The following CXXC5 variants were observed in gnomAD, a reference collection of about 807,000 sequenced individuals.
CXXC5 encodes CXXC-type zinc finger protein 5.
Under a neutral mutation model 17.6 loss-of-function variants are expected in CXXC5, and 2 were observed. The observed-to-expected ratio is 0.11, with a 90% CI of 0.05 to 0.36. CXXC5 has a LOEUF of 0.36. Ranked by LOEUF, CXXC5 falls within the 10% of genes least tolerant of loss-of-function variation. The pLI, the probability that CXXC5 is intolerant of heterozygous loss-of-function variation, is 1.00. For synonymous variants in CXXC5, 171 were observed against 193.0 expected (o/e 0.89, Z 0.94); for missense variants, 343 against 458.3 (o/e 0.75, Z 2.30).
At chr5:139,666,356 A>G (rs1353617440) in intron 1 of CXXC5, among the ~76,000 whole-genome samples, 1 of 151,868 alleles carries the variant, frequency 6.6e-6, no homozygotes, top group South Asian at 2.1e-4. Flanking sequence ...AGCTTCCCCT[A>G]CTACCCCATC....
chr5:139,660,706 G>T (rs936884369), intron 1 of CXXC5, among the ~76,000 whole-genome samples: 5 of 146,762 alleles, frequency 3.4e-5, no homozygotes, highest in African/African-American at 1.2e-4. Flanking sequence ...GGGCCACTGG[G>T]AATTGGTGAA....
intron 1 of CXXC5, among the ~76,000 whole-genome samples, chr5:139,659,815 C>A (rs1052760671): frequency 1.3e-5 from 2 of 152,186 alleles, no homozygotes; most frequent in African/African-American, 2.4e-5. Flanking sequence ...GAGGCTGGTC[C>A]CTCCTGCCCT....
At position 139,680,378 on chromosome 5, in the gene CXXC5, C is replaced by T; in HGVS notation, c.-146C>T. 8.3e-7 allele frequency: 1 copy of T among 1,198,904 alleles called. No homozygotes were observed. Among genetic ancestry groups the T allele is most frequent in the Middle Eastern group, 2.9e-4 (1 of 3,452 alleles). 74.3% of individuals were successfully genotyped at this position (1,198,904 alleles called of 1,614,324 possible). A position where few individuals can be genotyped will look rare whatever the true frequency, so the allele number is the denominator to read the frequency against. On this transcript the variant is annotated 5_prime_UTR_variant, in exon 2 of 3. Transcript: ENST00000302517. Reference sequence around the variant, plus strand: ...TCTTGTGACAGAGTGAAGACATTTCCACCTGGACACCTGACCATGTGCCTG... The same window carrying T: ...TCTTGTGACAGAGTGAAGACATTTCTACCTGGACACCTGACCATGTGCCTG...
intron 1 of CXXC5, among the ~76,000 whole-genome samples, chr5:139,654,530 TTA>T (rs1755385802): frequency 6.6e-6 from 1 of 152,168 alleles, no homozygotes. Context: ...ACACTGGCTT[TTA>T]TAGAGACAAG....
Position 139,677,437 on chromosome 5 carries a change from T to C in CXXC5, c.-160-2927T>C, listed in dbSNP as rs189018929. On this transcript the variant is annotated intron_variant, in intron 1 of 2. Coordinates refer to ENST00000302517, the MANE Select transcript of CXXC5 (RefSeq NM_016463.9). Reference sequence around the variant, plus strand: ...ATGGGGCTTTTGGTCAGGGGTCCACTGGGACCAGGACATCAGTTTTTCCTA... The same window carrying C: ...ATGGGGCTTTTGGTCAGGGGTCCACCGGGACCAGGACATCAGTTTTTCCTA... Among the ~76,000 whole-genome samples the C allele has an allele frequency of 3.6e-3, 554 of 152,258 alleles. 4 individuals are homozygous for C. The highest frequency in any genetic ancestry group is 0.013 in the African/African-American group (520 of 41,542).
At chr5:139,662,088 A>G (rs1581584438) in intron 1 of CXXC5, among the ~76,000 whole-genome samples, 1 of 152,042 alleles carries the variant, frequency 6.6e-6, no homozygotes, top group Middle Eastern at 3.4e-3. Context: ...GGGAGGTGAC[A>G]GGGTGTGCCA....
rs1312079087 is a variant in CXXC5, at chr5:139,668,836, T to C, written c.-160-11528T>C. Among the ~76,000 whole-genome samples the C allele has an allele frequency of 6.6e-6, 1 of 152,166 alleles. No individual in the cohort carries two copies. On this transcript the variant is annotated intron_variant, in intron 1 of 2. Coordinates refer to ENST00000302517, the MANE Select transcript of CXXC5 (RefSeq NM_016463.9). This position sits in a 1 kb window ranked among gnomAD's most constrained non-coding sequence, Gnocchi z 4.1. ...AGCACGGATCCAGTTCCTCTTGGCT[T>C]TGCCACAAACACAGTGACCTTATGT...
intron 1 of CXXC5, among the ~76,000 whole-genome samples, chr5:139,679,377 A>G (rs977126663): frequency 6.6e-6 from 1 of 152,208 alleles, no homozygotes; most frequent in African/African-American, 2.4e-5. Context: ...ATGTCCTCTC[A>G]CTGTGGCAGG....
intron 1 of CXXC5, among the ~76,000 whole-genome samples, chr5:139,652,730 T>G (rs1171440852): frequency 6.6e-6 from 1 of 151,846 alleles, no homozygotes; most frequent in Non-Finnish European, 1.5e-5. Context: ...CATGTGTGTT[T>G]GTGAATCTGA....
intron 1 of CXXC5, 78 bp from the exon 2 acceptor site, chr5:139,680,286 C>G (rs901147430): frequency 1.7e-6 from 1 of 586,142 alleles, no homozygotes; most frequent in Non-Finnish European, 3.0e-6. Context: ...ATGACAGGAC[C>G]GTTGATAGTG....
rs59872113 is a variant in CXXC5, at chr5:139,668,886, G to A, written c.-160-11478G>A. Among the ~76,000 whole-genome samples, 5 of 152,138 alleles carry A rather than the reference G, an allele frequency of 3.3e-5. No homozygotes were observed. Among genetic ancestry groups the A allele is most frequent in the East Asian group, 1.9e-4 (1 of 5,194 alleles). ...TAGAGTCCTTAGCCTCGGTTTCCCCGTTTGTAAACCATCAGCACCAGCCCA... is the reference window on the plus strand; with the variant it reads ...TAGAGTCCTTAGCCTCGGTTTCCCCATTTGTAAACCATCAGCACCAGCCCA... On this transcript the variant is annotated intron_variant, in intron 1 of 2. Coordinates refer to ENST00000302517, the MANE Select transcript of CXXC5 (RefSeq NM_016463.9). This position sits in a 1 kb window ranked among gnomAD's most constrained non-coding sequence, Gnocchi z 4.1.
chr5:139,673,570 G>A (rs1057337157), intron 1 of CXXC5, among the ~76,000 whole-genome samples: 4 of 152,126 alleles, frequency 2.6e-5, no homozygotes, highest in African/African-American at 7.2e-5. Flanking sequence ...GGCTGGGTGC[G>A]GTGGCTCACG....
rs762718050 is a variant in CXXC5 at position 139,661,420 on chromosome 5, G to T, written c.-161+12575G>T. Among the ~76,000 whole-genome samples, 11 of 152,170 alleles carry T rather than the reference G, an allele frequency of 7.2e-5. No individual in the cohort carries two copies. Among genetic ancestry groups the T allele is most frequent in the Non-Finnish European group, 1.2e-4 (8 of 68,016 alleles). On this transcript the variant is annotated intron_variant, in intron 1 of 2. Transcript: ENST00000302517. The surrounding 1 kb of genome is among the most constrained non-coding windows in gnomAD (Gnocchi z 4.7). ...AGTTCCACACGACTCAGCACACCCA[G>T]CCGACACGCGTGGTACAGACTCGGT...
rs1179311628 is a variant in CXXC5, at chr5:139,668,401, G to A, written c.-160-11963G>A. ...CGGACGTGCCTGCGCGGCTCTGGCG[G>A]CCGCGTCTGCCGCCCCGGCGCCCGC... On this transcript the variant is annotated intron_variant, in intron 1 of 2. Transcript: ENST00000302517. This position sits in a 1 kb window ranked among gnomAD's most constrained non-coding sequence, Gnocchi z 4.1. Among the ~76,000 whole-genome samples the A allele has an allele frequency of 6.6e-6, 1 of 151,952 alleles. No homozygotes were observed. Among genetic ancestry groups the A allele is most frequent in the Non-Finnish European group, 1.5e-5 (1 of 67,952 alleles).
intron 1 of CXXC5, among the ~76,000 whole-genome samples, chr5:139,673,851 A>AG (rs1756624406): frequency 1.5e-5 from 2 of 133,844 alleles, no homozygotes; most frequent in African/African-American, 2.9e-5. Context: ...AAAAAAAAAA[A>AG]AAAAGAGAGA....
rs917497556 is a variant in CXXC5 at position 139,661,796 on chromosome 5, G to A, written c.-161+12951G>A. On this transcript the variant is annotated intron_variant, in intron 1 of 2. Transcript: ENST00000302517. This position sits in a 1 kb window ranked among gnomAD's most constrained non-coding sequence, Gnocchi z 4.7. ...CCTTCAGCCATGTTGTGTCCACCGG[G>A]TTCTGCAAGGTGTGGGTGGGGAAGT... Among the ~76,000 whole-genome samples, 1 of 152,276 alleles carries A rather than the reference G, an allele frequency of 6.6e-6. No individual in the cohort carries two copies. Among genetic ancestry groups the A allele is most frequent in the Non-Finnish European group, 1.5e-5 (1 of 68,046 alleles).
rs1239516295 is a variant in CXXC5 at position 139,670,736 on chromosome 5, C to T, written c.-160-9628C>T. Among the ~76,000 whole-genome samples, 1 of 152,216 alleles carries T rather than the reference C, an allele frequency of 6.6e-6. No homozygotes were observed. The highest frequency in any genetic ancestry group is 2.1e-4 in the South Asian group (1 of 4,830). ...GACTTGGGTCGCACACACATGCCTC[C>T]ACTTTACCCTCAGGGAGGTCACAGA... On this transcript the variant is annotated intron_variant, in intron 1 of 2. Coordinates refer to ENST00000302517, the MANE Select transcript of CXXC5 (RefSeq NM_016463.9). The surrounding 1 kb of genome is among the most constrained non-coding windows in gnomAD (Gnocchi z 4.2).
In CXXC5 at chr5:139,683,105, A is replaced by C; in HGVS notation, c.*198A>C. ...TCCACGTCCCTAGCATAAAAAGAAAAAGAAAAAAATTTAAACTGCTTTTTC... is the reference window on the plus strand; with the variant it reads ...TCCACGTCCCTAGCATAAAAAGAAACAGAAAAAAATTTAAACTGCTTTTTC... On this transcript the variant is annotated 3_prime_UTR_variant, in exon 3 of 3. Coordinates refer to ENST00000302517, the MANE Select transcript of CXXC5 (RefSeq NM_016463.9). 6.9e-6 allele frequency: 3 copies of C among 433,856 alleles called. No individual in the cohort carries two copies. The highest frequency in any genetic ancestry group is 1.2e-5 in the Non-Finnish European group (3 of 257,896). The allele number at this position is 433,856 out of a possible 1,614,324, so 26.9% of individuals were successfully genotyped here. A position where few individuals can be genotyped will look rare whatever the true frequency, so the allele number is the denominator to read the frequency against.
chr5:139,683,046 T>TCA lies in CXXC5; in HGVS notation c.*139_*140insCA. On this transcript the variant is annotated 3_prime_UTR_variant, in exon 3 of 3. Transcript: ENST00000302517. ...TCTCTCACAGATTTCATTCCTGTTTTTATATATATATTTTTTGTTGTCGTT... is the reference window on the plus strand; with the variant it reads ...TCTCTCACAGATTTCATTCCTGTTTTCATATATATATATTTTTTGTTGTCGTT... 1.6e-6 allele frequency: 1 copy of TCA among 637,918 alleles called. No homozygotes were observed. The highest frequency in any genetic ancestry group is 2.3e-6 in the Non-Finnish European group (1 of 431,520). The allele number at this position is 637,918 out of a possible 1,614,324, so 39.5% of individuals were successfully genotyped here.
Sources: allele counts gnomAD v4.1 joint callset (sites outside exome capture counted in the v4.1 genomes callset), GRCh38; gene constraint gnomAD v4.1.1; non-coding constraint Gnocchi (gnomAD v3.1); transcripts MANE v1.5; gene names NCBI Gene and HGNC (gene_info 2026-07-23, HGNC 2026-07-21).